DLGAP4: variants seen among roughly 807,000 people sequenced by gnomAD.
DLGAP4 encodes DLG associated protein 4.
In DLGAP4, 18 loss-of-function variants were observed where a neutral mutation model predicts 86.9. That is an observed-to-expected ratio of 0.21 (90% CI 0.14 to 0.31). The LOEUF (loss-of-function observed/expected upper bound fraction) is 0.31. Among genes scored for constraint, DLGAP4 ranks in the 10% least tolerant of loss-of-function variants. The pLI is 1.00. For missense variants in DLGAP4, 1,085 were observed against 1,362.6 expected (o/e 0.80, Z 3.21); for synonymous variants, 548 against 574.3 (o/e 0.95, Z 0.65).
chr20:36,428,958 C>A (rs1386860019), intron 2 of DLGAP4, among the ~76,000 whole-genome samples: 1 of 152,154 alleles, frequency 6.6e-6, no homozygotes, highest in Admixed American at 6.5e-5. Flanking sequence ...CCATGCCCAG[C>A]CATCTCTGCC....
chr20:36,515,112 T>G (rs533645218), intron 10 of DLGAP4, among the ~76,000 whole-genome samples: 1 of 152,328 alleles, frequency 6.6e-6, no homozygotes, highest in South Asian at 2.1e-4. Context: ...ATCCAAAAGA[T>G]GAGCTTGAGT....
At chr20:36,359,611 C>T (rs1480464006) in intron 1 of DLGAP4, among the ~76,000 whole-genome samples, 2 of 152,104 alleles carry the variant, frequency 1.3e-5, no homozygotes, top group African/African-American at 2.4e-5. Context: ...TTCTGAGGCT[C>T]GGTGTCCTCA....
rs1600473927 is a variant in DLGAP4 at position 36,392,325 on chromosome 20, T to G, written c.-73+25050T>G. On this transcript the variant is annotated intron_variant, in intron 2 of 12. Transcript: ENST00000339266. Reference sequence around the variant, plus strand: ...GAGACAGCCAGGAGGGGTTAGAGCCTTAGGATTGCCTGTCATTCATTCACT... The same window carrying G: ...GAGACAGCCAGGAGGGGTTAGAGCCGTAGGATTGCCTGTCATTCATTCACT... 2.0e-5 allele frequency among the ~76,000 whole-genome samples: 3 copies of G among 152,202 alleles called. No homozygotes were observed. The South Asian group carries it at 6.2e-4, about 31-fold the overall frequency.
Position 36,446,909 on chromosome 20 carries a change from C to A in DLGAP4, c.1620C>A (p.Gly540=). 6.2e-7 allele frequency: 1 copy of A among 1,611,702 alleles called. No individual in the cohort carries two copies. Among genetic ancestry groups the A allele is most frequent in the Non-Finnish European group, 8.5e-7 (1 of 1,178,620 alleles). The change falls in exon 7 of 13, where the codon GGC becomes GGA. Residue 540 remains glycine, a synonymous_variant. Coordinates refer to ENST00000339266, the MANE Select transcript of DLGAP4 (RefSeq NM_001365621.2). Reference sequence around the variant, plus strand: ...CCCTCTCCCCACCGCCCAGTACCGGCAGCCTCAGCAATAGTCGCACGCTTC... The same window carrying A: ...CCCTCTCCCCACCGCCCAGTACCGGAAGCCTCAGCAATAGTCGCACGCTTC... ...LQSLSPPPST[G]SLSNSRTLPS... is the part of the protein sequence containing the mutation.
chr20:36,418,354 T>C lies in DLGAP4; in HGVS notation c.-72-13292T>C, dbSNP rs1286646737. 3.8e-4 allele frequency among the ~76,000 whole-genome samples: 54 copies of C among 142,838 alleles called. No homozygotes were observed. The Middle Eastern group carries it at 0.023, about 61-fold the overall frequency. The allele number at this position is 142,838 out of a possible 152,430, so 93.7% of individuals were successfully genotyped here. ...TCTCGAATTCCTGACCTCAAGTGATTCACCCACCTCGGCCTCCCAAAGTGC... is the reference window on the plus strand; with the variant it reads ...TCTCGAATTCCTGACCTCAAGTGATCCACCCACCTCGGCCTCCCAAAGTGC... On this transcript the variant is annotated intron_variant, in intron 2 of 12. Transcript: ENST00000339266.
Position 36,431,974 on chromosome 20 carries a change from G to A in DLGAP4, c.257G>A (p.Ser86Asn), listed in dbSNP as rs2147540593. The change falls in exon 3 of 13, where the codon AGC becomes AAC. Residue 86 changes from serine to asparagine, a missense_variant. By Grantham distance (46) the Ser-to-Asn change is conservative (BLOSUM62 1). Transcript: ENST00000339266. This position sits in a 1 kb window ranked among gnomAD's most constrained non-coding sequence, Gnocchi z 5.1. ...TCCCACTTCGAGGTGCCAGAGGAGA[G>A]CCCCTTCCCCAGCCATGCCCAAGCC... ...YNSHFEVPEE[S>N]PFPSHAQATK... 15 of 1,614,150 alleles carry A rather than the reference G, an allele frequency of 9.3e-6. No homozygotes were observed. The highest frequency in any genetic ancestry group is 1.3e-5 in the Non-Finnish European group (15 of 1,180,016).
intron 2 of DLGAP4, among the ~76,000 whole-genome samples, chr20:36,405,871 T>C (rs1414486137): frequency 6.6e-6 from 1 of 152,132 alleles, no homozygotes; most frequent in African/African-American, 2.4e-5. Context: ...CACGCCAGGC[T>C]GGTCCCCAAG....
intron 2 of DLGAP4, among the ~76,000 whole-genome samples, chr20:36,429,354 C>G (rs1191095049): frequency 1.4e-5 from 2 of 147,748 alleles, no homozygotes; most frequent in Non-Finnish European, 3.0e-5. Context: ...GCTGGGATTA[C>G]AGATATGAGA....
chr20:36,334,827 C>T (rs988118039), intron 1 of DLGAP4, among the ~76,000 whole-genome samples: 10 of 152,080 alleles, frequency 6.6e-5, no homozygotes, highest in African/African-American at 2.4e-4. Context: ...GGGTCGCCGG[C>T]ACAGGGTGGT....
chr20:36,414,961 G>C (rs1426769432), intron 2 of DLGAP4, among the ~76,000 whole-genome samples: 1 of 152,128 alleles, frequency 6.6e-6, no homozygotes, highest in African/African-American at 2.4e-5. Flanking sequence ...CCCAACCTTT[G>C]TTGGTTCAAA....
At chr20:36,450,581 G>T (rs1309822064) in intron 7 of DLGAP4, among the ~76,000 whole-genome samples, 1 of 152,140 alleles carries the variant, frequency 6.6e-6, no homozygotes, top group South Asian at 2.1e-4. Flanking sequence ...TTCCCAGGTA[G>T]AAAACTTTTA....
chr20:36,436,040 G>A, intron 3 of DLGAP4, 69 bp from the exon 4 acceptor site: 1 of 1,469,026 alleles, frequency 6.8e-7, no homozygotes, highest in Non-Finnish European at 9.0e-7. Flanking sequence ...TCAGGTCCCG[G>A]AGATGGGGGT....
At chr20:36,384,023 G>A (rs1446363123) in intron 2 of DLGAP4, among the ~76,000 whole-genome samples, 2 of 151,824 alleles carry the variant, frequency 1.3e-5, no homozygotes, top group Non-Finnish European at 1.5e-5. Flanking sequence ...AATAGACCTG[G>A]AAGTAGCTTC....
intron 7 of DLGAP4, chr20:36,461,696 C>T: frequency 1.7e-5 from 11 of 652,660 alleles, no homozygotes; most frequent in South Asian, 7.1e-5. Flanking sequence ...CCGCCCCCGC[C>T]CTCGCCCTCC....
At chr20:36,406,761 C>T (rs956694593) in intron 2 of DLGAP4, among the ~76,000 whole-genome samples, 1 of 152,196 alleles carries the variant, frequency 6.6e-6, no homozygotes, top group Non-Finnish European at 1.5e-5. Flanking sequence ...GAGTCCCCTT[C>T]ACCCAGGGCA....
intron 7 of DLGAP4, among the ~76,000 whole-genome samples, chr20:36,464,702 T>C (rs990409251): frequency 5.3e-5 from 8 of 151,994 alleles, no homozygotes; most frequent in Non-Finnish European, 1.2e-4. Context: ...ATACAAAAAT[T>C]AGCTGGGTGT....
chr20:36,446,832 C>T lies in DLGAP4; in HGVS notation c.1543C>T (p.Arg515Cys), dbSNP rs750315704. ...YFRSRSHSYL[R>C]AIQAGCSQEE... The stretch of plus-strand genomic sequence containing the variant: ...CCGCTCCCGCAGCCACAGCTACCTG[C>T]GTGCCATCCAGGCAGGCTGCTCGCA... Residue 515 changes from arginine (R) to cysteine (C), a missense_variant, in exon 7 of 13, where the codon CGT becomes TGT. Coordinates refer to ENST00000339266, the MANE Select transcript of DLGAP4 (RefSeq NM_001365621.2). 8.7e-6 allele frequency: 14 copies of T among 1,612,900 alleles called. No individual in the cohort carries two copies. In the East Asian group the frequency reaches 8.9e-5, roughly 10 times the overall value.
At chr20:36,472,500 CA>C (rs1217814412) in intron 7 of DLGAP4, among the ~76,000 whole-genome samples, 5,377 of 76,342 alleles carry the variant, frequency 0.07, 212 homozygotes, top group African/African-American at 0.16. Flanking sequence ...AACCCTGTCT[CA>C]AAAAAAAAAA....
chr20:36,338,314 C>A (rs1237708070), intron 1 of DLGAP4, among the ~76,000 whole-genome samples: 1 of 152,218 alleles, frequency 6.6e-6, no homozygotes, highest in Non-Finnish European at 1.5e-5. Flanking sequence ...GTAATCCCAA[C>A]ACTTTGGGAG....
Sources: gnomAD v4.1 joint callset for allele counts (sites outside exome capture counted in the v4.1 genomes callset) on GRCh38, gnomAD v4.1.1 for gene constraint, Gnocchi (gnomAD v3.1) non-coding constraint, MANE v1.5 for transcripts, NCBI Gene and HGNC (gene_info 2026-07-23, HGNC 2026-07-21) for gene names.